Variants in PKD1 observed in about 807,000 individuals in gnomAD.
PKD1 encodes polycystin 1, transient receptor potential channel interacting.
PKD1 carries 81 observed loss-of-function variants against 361.7 expected under a neutral mutation model. The ratio of observed to expected loss-of-function variants is 0.22; its 90% CI spans 0.19 to 0.27. PKD1 has a LOEUF of 0.27. Among genes scored for constraint, PKD1 ranks in the 10% least tolerant of loss-of-function variants. PKD1 has a pLI of 1.00. For missense variants in PKD1, 6,399 were observed against 6,118.3 expected, an observed-to-expected ratio of 1.05 and a Z score of -1.53; for synonymous variants, 3,615 against 2,818.3, an observed-to-expected ratio of 1.28 and a Z score of -8.95.
At chr16:2,134,601 T>C (rs2092928261) in intron 1 of PKD1, among the ~76,000 whole-genome samples, 1 of 151,752 alleles carries the variant, frequency 6.6e-6, no homozygotes, top group Non-Finnish European at 1.5e-5. Flanking sequence ...ACCCCTGCTA[T>C]GCACATCCCG....
At position 2,103,261 on chromosome 16, in the gene PKD1, C is replaced by T. The variant is rs751652400; in HGVS notation, c.8791+5G>A. ...GGCCGCGTGTGCCCCACCCGCTGCA[C>T]GCACCGTCCAGCAGCGTATAGTTGA... On this transcript the variant is annotated splice_donor_5th_base_variant and intron_variant, in intron 23 of 45. Transcript: ENST00000262304. The T allele has an allele frequency of 7.5e-6, 12 of 1,609,422 alleles. No individual in the cohort carries two copies. Among genetic ancestry groups the T allele is most frequent in the Non-Finnish European group, 9.3e-6 (11 of 1,179,434 alleles).
intron 30 of PKD1, chr16:2,099,153 T>C: frequency 3.1e-6 from 1 of 325,206 alleles, no homozygotes; most frequent in Non-Finnish European, 6.0e-6. Context: ...TTTATATAGA[T>C]GGGGTCTTGC....
chr16:2,089,871 G>T lies in PKD1; in HGVS notation c.12768C>A (p.Ala4256=). The change falls in exon 46 of 46, where the codon GCC becomes GCA. Residue 4256 remains alanine (A), a synonymous_variant. Coordinates refer to ENST00000262304, the MANE Select transcript of PKD1 (RefSeq NM_001009944.3). ...LQGRRSSRAP[A]GSSRGPSPGL... is the part of the protein sequence containing the mutation. ...CCGGGGATGGGCCACGGGAAGATCC[G>T]GCGGGCGCCCGGCTGCTCCTGCGGC... The T allele has an allele frequency of 6.2e-7, 1 of 1,609,698 alleles. No individual in the cohort carries two copies. Among genetic ancestry groups the T allele is most frequent in the Non-Finnish European group, 8.5e-7 (1 of 1,178,860 alleles).
In PKD1 at chr16:2,089,459, G is replaced by A. The variant is rs1004771537; in HGVS notation, c.*268C>T. The stretch of plus-strand genomic sequence containing the variant: ...CACAGCCCGCTGTACCTGAGGACTC[G>A]GGGAAATAAATTAGCATCTCAGAGG... On this transcript the variant is annotated 3_prime_UTR_variant, in exon 46 of 46. Coordinates refer to ENST00000262304, the MANE Select transcript of PKD1 (RefSeq NM_001009944.3). 3.2e-5 allele frequency: 17 copies of A among 539,362 alleles called. No individual in the cohort carries two copies. The highest frequency in any genetic ancestry group is 1.1e-4 in the South Asian group (5 of 43,496). The allele number at this position is 539,362 out of a possible 1,614,324, so 33.4% of individuals were successfully genotyped here. A position where few individuals can be genotyped will look rare whatever the true frequency, so the allele number is the denominator to read the frequency against.
intron 26 of PKD1, among the ~76,000 whole-genome samples, chr16:2,101,706 G>T (rs12920267): frequency 0.05 from 7,645 of 152,374 alleles, 259 homozygotes; most frequent in Non-Finnish European, 0.066. Context: ...ACAGCCACGG[G>T]GAGGGTGCTG....
intron 26 of PKD1, among the ~76,000 whole-genome samples, chr16:2,101,525 G>A (rs1340081216): frequency 2.0e-5 from 3 of 152,206 alleles, no homozygotes; most frequent in East Asian, 1.9e-4. Flanking sequence ...AATCGCTTAA[G>A]GGGAATGGCT....
At position 2,092,660 on chromosome 16, in the gene PKD1, A is replaced by G. The variant is rs2091650715; in HGVS notation, c.11157-68T>C. ...TGCCCGCCTCGAGTGAGCGGCCACC[A>G]GAGACCCAGGGAACATGGCTCCCAC... On this transcript the variant is annotated intron_variant, in intron 38 of 45. Transcript: ENST00000262304. 7.0e-6 allele frequency: 8 copies of G among 1,147,138 alleles called. No individual in the cohort carries two copies. In the Admixed American group the frequency reaches 1.4e-4, roughly 19 times the overall value. The allele number at this position is 1,147,138 out of a possible 1,614,324, so 71.1% of individuals were successfully genotyped here. A position where few individuals can be genotyped will look rare whatever the true frequency, so the allele number is the denominator to read the frequency against.
chr16:2,091,293 C>T, intron 42 of PKD1, 119 bp from the exon 43 acceptor site: 1 of 350,858 alleles, frequency 2.9e-6, no homozygotes, highest in Non-Finnish European at 4.0e-6. Flanking sequence ...GGGGCGGGGC[C>T]CTGCGAGGGG....
rs750388049 is a variant in PKD1, at chr16:2,117,671, C to T, written c.1203G>A (p.Ala401=). 3.7e-5 allele frequency: 59 copies of T among 1,608,960 alleles called. No homozygotes were observed. The highest frequency in any genetic ancestry group is 4.7e-5 in the Non-Finnish European group (55 of 1,178,458). Residue 401 remains alanine, a splice_region_variant and synonymous_variant, in exon 6 of 46, where the codon GCG becomes GCA. Coordinates refer to ENST00000262304, the MANE Select transcript of PKD1 (RefSeq NM_001009944.3). ...IVALGEEPAR[A]VHPLCPSDTE... The stretch of plus-strand genomic sequence containing the variant: ...TGTCCGAGGGGCAGAGCGGGTGCAC[C>T]GCTGGAGACCGGTGGGAACGAGGGT...
Position 2,102,023 on chromosome 16 carries a change from G to A in PKD1, c.9397+38C>T, listed in dbSNP as rs999090999. On this transcript the variant is annotated intron_variant, in intron 26 of 45. Coordinates refer to ENST00000262304, the MANE Select transcript of PKD1 (RefSeq NM_001009944.3). ...AGGGTGCAACCAGCACAGCCAGTGA[G>A]AGCAGGGGAGGCCCTGCCACCCCGC... 6.0e-6 allele frequency: 8 copies of A among 1,324,658 alleles called. No individual in the cohort carries two copies. In the African/African-American group the frequency reaches 1.2e-4, roughly 20 times the overall value. The allele number at this position is 1,324,658 out of a possible 1,614,324, so 82.1% of individuals were successfully genotyped here.
At position 2,116,216 on chromosome 16, in the gene PKD1, A is replaced by G. The variant is rs563249322; in HGVS notation, c.1723-98T>C. 485 of 1,312,588 alleles carry G rather than the reference A, an allele frequency of 3.7e-4. 5 individuals are homozygous for G. In the East Asian group the frequency reaches 0.011, roughly 31 times the overall value. The allele number at this position is 1,312,588 out of a possible 1,614,324, so 81.3% of individuals were successfully genotyped here. A position where few individuals can be genotyped will look rare whatever the true frequency, so the allele number is the denominator to read the frequency against. ...CTTCCCAGGAAGAGGGGAGGGAAGGAGAGCGAGCCATCAGACCCCCACAGG... is the reference window on the plus strand; with the variant it reads ...CTTCCCAGGAAGAGGGGAGGGAAGGGGAGCGAGCCATCAGACCCCCACAGG... On this transcript the variant is annotated intron_variant, in intron 8 of 45. Coordinates refer to ENST00000262304, the MANE Select transcript of PKD1 (RefSeq NM_001009944.3).
At position 2,114,640 on chromosome 16, in the gene PKD1, G is replaced by T. The variant is rs759566009; in HGVS notation, c.2383C>A (p.Arg795Ser). 3.8e-6 allele frequency: 6 copies of T among 1,561,616 alleles called. No individual in the cohort carries two copies. In the South Asian group the frequency reaches 6.9e-5, roughly 18 times the overall value. Residue 795 changes from arginine to serine, a missense_variant, in exon 11 of 46, where the codon CGC (arginine) becomes AGC (serine). Transcript: ENST00000262304. ...RPNPGLRLPG[R>S]YEVRAEVGNG... ...CCCACCTCTGCCCGGACCTCATAGC[G>T]CCCAGGCAGCCGCAGTCCAGGGTTG...
chr16:2,095,252 C>A (rs1378077338), intron 34 of PKD1: 1 of 152,032 alleles, frequency 6.6e-6, no homozygotes, highest in African/African-American at 2.4e-5. Flanking sequence ...TACTAAAACA[C>A]ACACACAAAA....
Position 2,115,446 on chromosome 16 carries a change from C to A in PKD1, c.2029G>T (p.Gly677Trp), listed in dbSNP as rs770774357. 1.4e-5 allele frequency: 23 copies of A among 1,597,580 alleles called. No individual in the cohort carries two copies. Among genetic ancestry groups the A allele is most frequent in the African/African-American group, 2.7e-5 (2 of 74,534 alleles). Residue 677 changes from glycine to tryptophan, a missense_variant, in exon 10 of 46, where the codon GGG becomes TGG. Gly to Trp is a radical substitution (Grantham distance 184, BLOSUM62 -2). Coordinates refer to ENST00000262304, the MANE Select transcript of PKD1 (RefSeq NM_001009944.3). Reference sequence around the variant, plus strand: ...TCTCTCCATAGCGCATAGGGGGCCCCGGGTAGCCCTGGCCCTGACGTGCAG... The same window carrying A: ...TCTCTCCATAGCGCATAGGGGGCCCAGGGTAGCCCTGGCCCTGACGTGCAG... ...NGCTSGPGLP[G>W]APYALWREFL... is the part of the protein sequence containing the mutation.
rs568636677 is a variant in PKD1, at chr16:2,106,171, C to G, written c.7623G>C (p.Pro2541=). 1.9e-6 allele frequency: 3 copies of G among 1,609,252 alleles called. No homozygotes were observed. The highest frequency in any genetic ancestry group is 4.5e-5 in the East Asian group (2 of 44,808). Residue 2541 remains proline, a synonymous_variant, in exon 19 of 46, where the codon CCG becomes CCC. Coordinates refer to ENST00000262304, the MANE Select transcript of PKD1 (RefSeq NM_001009944.3). The surrounding 1 kb of genome is among the most constrained non-coding windows in gnomAD (Gnocchi z 6.5). ...SLSSYGAVLP[P]GFRPHFEVGL... is the part of the protein sequence containing the mutation. ...CCACCTCGAAGTGTGGCCTGAAACC[C>G]GGGGGCAGCACGGCTCCGTAGCTGG...
intron 1 of PKD1, among the ~76,000 whole-genome samples, chr16:2,129,934 G>A (rs1456611704): frequency 6.6e-6 from 1 of 152,104 alleles, no homozygotes; most frequent in African/African-American, 2.4e-5. Flanking sequence ...TGGATGACCT[G>A]CAGGTGCTCT....
At chr16:2,099,547 TC>T (rs1246413938) in intron 30 of PKD1, 96 bp downstream of exon 30, 1 of 1,178,630 alleles carries the variant, frequency 8.5e-7, no homozygotes, top group African/African-American at 1.5e-5. Context: ...TGGACGCCTT[TC>T]CCTCTGGCTG....
In PKD1 at chr16:2,116,996, C is replaced by G. The variant is rs774836329; in HGVS notation, c.1443G>C (p.Ala481=). Residue 481 remains alanine (A), a synonymous_variant, in exon 7 of 46, where the codon GCG becomes GCC. Transcript: ENST00000262304. ...STVQGVEVGP[A]PQGEAFSLES... Reference sequence around the variant, plus strand: ...CCAGGCTGAAGGCCTCGCCCTGCGGCGCTGGGCCCACCTCCACCCCCTGCA... The same window carrying G: ...CCAGGCTGAAGGCCTCGCCCTGCGGGGCTGGGCCCACCTCCACCCCCTGCA... The G allele has an allele frequency of 2.5e-6, 4 of 1,581,026 alleles. No individual in the cohort carries two copies. The highest frequency in any genetic ancestry group is 3.4e-6 in the Non-Finnish European group (4 of 1,168,494).
rs1326079825 is a variant in PKD1, at chr16:2,093,558, G to A, written c.11002C>T (p.His3668Tyr). Residue 3668 changes from histidine (H) to tyrosine (Y), a missense_variant, in exon 37 of 46, where the codon CAT becomes TAT. By Grantham distance (83) the His-to-Tyr change is moderately conservative. Transcript: ENST00000262304. ...CCCAGGCTCACCCGCAGCATGCCAT[G>A]TAGCCTCTTGACCTTGCGGGCTTCT... ...KEEARKVKRLHGMLRSLLVYM... is the reference protein window; with the variant it reads ...KEEARKVKRLYGMLRSLLVYM... 13 of 1,603,404 alleles carry A rather than the reference G, an allele frequency of 8.1e-6. No individual in the cohort carries two copies. Among genetic ancestry groups the A allele is most frequent in the East Asian group, 2.2e-5 (1 of 44,556 alleles).
Sources: allele counts gnomAD v4.1 joint callset (sites outside exome capture counted in the v4.1 genomes callset), GRCh38; gene constraint gnomAD v4.1.1; non-coding constraint Gnocchi (gnomAD v3.1); transcripts MANE v1.5; gene names NCBI Gene and HGNC (gene_info 2026-07-23, HGNC 2026-07-21).